The following USP53 variants were observed in gnomAD, a reference collection of about 807,000 sequenced individuals.
The protein encoded by USP53 is ubiquitin carboxyl-terminal hydrolase 53.
Under a neutral mutation model 94.9 loss-of-function variants are expected in USP53, and 71 were observed. That is an observed-to-expected ratio of 0.75 (90% CI 0.62 to 0.91). The LOEUF (loss-of-function observed/expected upper bound fraction) is 0.91, where lower values mean the gene tolerates loss of function less well. Ranked by LOEUF, USP53 falls within the 40% of genes least tolerant of loss-of-function variation. The pLI is 0.00. For synonymous variants in USP53, 375 were observed against 422.7 expected (o/e 0.89, Z 1.39); for missense variants, 1,173 against 1,281.0 (o/e 0.92, Z 1.29).
chr4:119,278,284 A>G (rs1752934209), intron 17 of USP53, among the ~76,000 whole-genome samples: 1 of 151,754 alleles, frequency 6.6e-6, no homozygotes, highest in South Asian at 2.1e-4. Context: ...GAGCTCTTTT[A>G]GGGCAGGCCT....
chr4:119,237,270 A>G (rs1040990465), intron 4 of USP53, among the ~76,000 whole-genome samples: 11 of 152,174 alleles, frequency 7.2e-5, no homozygotes, highest in Non-Finnish European at 1.2e-4. Context: ...TAGATTTATC[A>G]TGATTTTTAA....
In USP53 at chr4:119,271,478, C is replaced by A. The variant is rs1362702709; in HGVS notation, c.1618C>A (p.Leu540Ile). The change falls in exon 16 of 19, where the codon CTT becomes ATT. Residue 540 changes from leucine to isoleucine, a missense_variant. Coordinates refer to ENST00000692078, the MANE Select transcript of USP53 (RefSeq NM_001371395.1). ...QIISSSKSQILAPGEKITGKV... is the reference protein window; with the variant it reads ...QIISSSKSQIIAPGEKITGKV... ...AATAAGTTCAAGTAAATCCCAGATTCTTGCTCCAGGAGAGAAAATAACTGG... is the reference window on the plus strand; with the variant it reads ...AATAAGTTCAAGTAAATCCCAGATTATTGCTCCAGGAGAGAAAATAACTGG... 6.2e-7 allele frequency: 1 copy of A among 1,613,466 alleles called. No individual in the cohort carries two copies. The highest frequency in any genetic ancestry group is 1.3e-5 in the African/African-American group (1 of 74,876).
intron 3 of USP53, among the ~76,000 whole-genome samples, chr4:119,234,607 T>C (rs1746490714): frequency 6.6e-6 from 1 of 152,228 alleles, no homozygotes; most frequent in Non-Finnish European, 1.5e-5. Flanking sequence ...GATTCTTTCA[T>C]TAAAAATAAA....
intron 7 of USP53, among the ~76,000 whole-genome samples, chr4:119,249,819 C>T (rs1380008037): frequency 2.0e-5 from 3 of 151,944 alleles, no homozygotes; most frequent in Non-Finnish European, 4.4e-5. Context: ...TGCCCGCCAC[C>T]ATGCCCGGCT....
chr4:119,230,187 G>A (rs1249425059), intron 3 of USP53, among the ~76,000 whole-genome samples: 2 of 152,000 alleles, frequency 1.3e-5, no homozygotes, highest in African/African-American at 4.8e-5. Context: ...TGTTTTCTAA[G>A]TTGGCTGTCT....
rs1198241925 is a variant in USP53 at position 119,293,976 on chromosome 4, T to C, written c.*765T>C. The C allele has an allele frequency of 6.6e-6, 1 of 152,188 alleles. No homozygotes were observed. The highest frequency in any genetic ancestry group is 1.9e-4 in the East Asian group (1 of 5,206). The allele number at this position is 152,188 out of a possible 1,614,324, so 9.4% of individuals were successfully genotyped here. On this transcript the variant is annotated 3_prime_UTR_variant, in exon 19 of 19. Coordinates refer to ENST00000692078, the MANE Select transcript of USP53 (RefSeq NM_001371395.1). ...TATCTAGTTAAGATAAATTAGGCCTTTGACTATTATAGGTATTCATAAATG... is the reference window on the plus strand; with the variant it reads ...TATCTAGTTAAGATAAATTAGGCCTCTGACTATTATAGGTATTCATAAATG...
intron 17 of USP53, among the ~76,000 whole-genome samples, chr4:119,280,791 C>T (rs972925531): frequency 4.6e-5 from 7 of 152,152 alleles, no homozygotes; most frequent in African/African-American, 1.4e-4. Flanking sequence ...AGGAGTCACT[C>T]AGGATCCCAG....
At chr4:119,249,000 C>A in intron 7 of USP53, 118 bp downstream of exon 7, 1 of 1,247,434 alleles carries the variant, frequency 8.0e-7, no homozygotes, top group Non-Finnish European at 1.1e-6. Context: ...TCAAAACTGT[C>A]CAGTAGATCC....
rs1484416786 is a variant in USP53, at chr4:119,271,703, A to G, written c.1843A>G (p.Asn615Asp). The G allele has an allele frequency of 1.2e-6, 2 of 1,614,082 alleles. No individual in the cohort carries two copies. The highest frequency in any genetic ancestry group is 1.7e-5 in the Admixed American group (1 of 60,004). ...HSPRHKPNIS[N>D]KPKSSKDPSF... ...TCCAAGACATAAACCAAATATCAGTAATAAGCCTAAATCTAGCAAGGATCC... is the reference window on the plus strand; with the variant it reads ...TCCAAGACATAAACCAAATATCAGTGATAAGCCTAAATCTAGCAAGGATCC... Residue 615 changes from asparagine (N) to aspartate (D), a missense_variant, in exon 16 of 19, where the codon AAT becomes GAT. Physicochemically the swap from Asn to Asp is conservative, Grantham distance 23. Coordinates refer to ENST00000692078, the MANE Select transcript of USP53 (RefSeq NM_001371395.1).
Position 119,292,910 on chromosome 4 carries a change from G to A in USP53, c.2921G>A (p.Ser974Asn). The A allele has an allele frequency of 1.9e-6, 3 of 1,614,080 alleles. No individual in the cohort carries two copies. The highest frequency in any genetic ancestry group is 2.5e-6 in the Non-Finnish European group (3 of 1,179,962). Residue 974 changes from serine to asparagine, a missense_variant, in exon 19 of 19, where the codon AGT becomes AAT. Coordinates refer to ENST00000692078, the MANE Select transcript of USP53 (RefSeq NM_001371395.1). Reference protein sequence around the residue: ...STASEPSLEVSTHMNDERHKE... With the variant: ...STASEPSLEVNTHMNDERHKE... ...GCTTCAGAACCAAGTTTAGAAGTGA[G>A]TACACATATGAATGATGAAAGACAT...
chr4:119,217,134 G>A lies in USP53; in HGVS notation c.-788-416G>A, dbSNP rs1216280824. Among the ~76,000 whole-genome samples the A allele has an allele frequency of 6.6e-5, 10 of 152,230 alleles. No individual in the cohort carries two copies. The South Asian group carries it at 2.1e-3, about 32-fold the overall frequency. ...AATAAAATATCTATGGGAATTATAA[G>A]GTCACTATCAGGGTATGGATTCCAT... On this transcript the variant is annotated intron_variant, in intron 2 of 18. Transcript: ENST00000692078.
chr4:119,222,806 T>C (rs1486704236), intron 3 of USP53, among the ~76,000 whole-genome samples: 1 of 152,206 alleles, frequency 6.6e-6, no homozygotes, highest in Non-Finnish European at 1.5e-5. Context: ...CTTTTGGGTA[T>C]ATACCACTAG....
intron 7 of USP53, 133 bp downstream of exon 7, chr4:119,249,015 C>G (rs547909223): frequency 9.1e-7 from 1 of 1,092,954 alleles, no homozygotes; most frequent in Admixed American, 2.7e-5. Context: ...AGATCCATAT[C>G]TTACCCATCC....
chr4:119,215,140 C>T (rs1036657557), intron 2 of USP53, among the ~76,000 whole-genome samples: 1 of 152,092 alleles, frequency 6.6e-6, no homozygotes, highest in Non-Finnish European at 1.5e-5. Context: ...AAATGATTGC[C>T]AGTTTCGCTT....
chr4:119,252,843 T>G (rs956308876), intron 7 of USP53, among the ~76,000 whole-genome samples: 10 of 152,214 alleles, frequency 6.6e-5, no homozygotes, highest in Non-Finnish European at 1.5e-5. Flanking sequence ...CAATTTTAGG[T>G]ATCTCCTGCT....
At chr4:119,255,133 TC>T (rs1319904412) in intron 7 of USP53, among the ~76,000 whole-genome samples, 1 of 152,166 alleles carries the variant, frequency 6.6e-6, no homozygotes, top group African/African-American at 2.4e-5. Context: ...GTATGAGGTG[TC>T]TGTTGGCCCC....
At position 119,291,322 on chromosome 4, in the gene USP53, A is replaced by G; in HGVS notation, c.2348+61A>G. 6.8e-6 allele frequency: 7 copies of G among 1,036,588 alleles called. No individual in the cohort carries two copies. In the African/African-American group the frequency reaches 8.2e-5, roughly 12 times the overall value. The allele number at this position is 1,036,588 out of a possible 1,614,324, so 64.2% of individuals were successfully genotyped here. On this transcript the variant is annotated intron_variant, in intron 18 of 18. Coordinates refer to ENST00000692078, the MANE Select transcript of USP53 (RefSeq NM_001371395.1). Reference sequence around the variant, plus strand: ...TAGGCACGTTGTTTATCAGAAGGGCATAAATACATATTATTACTTTGAAAG... The same window carrying G: ...TAGGCACGTTGTTTATCAGAAGGGCGTAAATACATATTATTACTTTGAAAG...
chr4:119,262,992 A>AT (rs1750690365), intron 12 of USP53, among the ~76,000 whole-genome samples: 1 of 152,220 alleles, frequency 6.6e-6, no homozygotes, highest in Admixed American at 6.5e-5. Context: ...GGCAATCTTT[A>AT]TTAAGTAGTA....
At position 119,269,832 on chromosome 4, in the gene USP53, A is replaced by G. The variant is rs759702299; in HGVS notation, c.1430A>G (p.His477Arg). 8 of 1,460,562 alleles carry G rather than the reference A, an allele frequency of 5.5e-6. No individual in the cohort carries two copies. The highest frequency in any genetic ancestry group is 1.9e-4 in the Middle Eastern group (1 of 5,400). The allele number at this position is 1,460,562 out of a possible 1,614,324, so 90.5% of individuals were successfully genotyped here. Residue 477 changes from histidine (H) to arginine (R), a missense_variant, in exon 15 of 19, where the codon CAT becomes CGT. Transcript: ENST00000692078. ...EKGQRKDLGRHRDLVDEDLSH... is the reference protein window; with the variant it reads ...EKGQRKDLGRRRDLVDEDLSH... Reference sequence around the variant, plus strand: ...GGACAAAGAAAAGATTTAGGACGACATAGAGGTAAGTTAAGATCTTGTACT... The same window carrying G: ...GGACAAAGAAAAGATTTAGGACGACGTAGAGGTAAGTTAAGATCTTGTACT...
Sources: gnomAD v4.1 joint callset for allele counts (sites outside exome capture counted in the v4.1 genomes callset) on GRCh38, gnomAD v4.1.1 for gene constraint, MANE v1.5 for transcripts, NCBI Gene and HGNC (gene_info 2026-07-23, HGNC 2026-07-21) for gene names.